DPP6: variants seen among roughly 807,000 people sequenced by gnomAD.
DPP6 encodes the protein A-type potassium channel modulatory protein DPP6.
DPP6 carries 69 observed loss-of-function variants against 122.6 expected under a neutral mutation model. The observed-to-expected ratio is 0.56, with a 90% CI of 0.46 to 0.69. The LOEUF (loss-of-function observed/expected upper bound fraction) is 0.69. Among genes scored for constraint, DPP6 ranks in the 30% least tolerant of loss-of-function variants. The probability of loss-of-function intolerance (pLI) is 0.00; values close to 1 mark genes in which losing one functional copy is unlikely to be tolerated. For missense variants in DPP6, 928 were observed against 1,116.9 expected (o/e 0.83, Z 2.41); for synonymous variants, 418 against 433.1 (o/e 0.97, Z 0.43).
chr7:154,876,103 G>A lies in DPP6; in HGVS notation c.2078+3G>A. On this transcript the variant is annotated splice_donor_region_variant and intron_variant, in intron 20 of 25. Transcript: ENST00000377770. ...AAGGACCAGATGGAGGCCGTGCGGT[G>A]AGCACCCGCCCAGGAAGCAGGAGAG... The A allele has an allele frequency of 1.9e-6, 3 of 1,577,956 alleles. No individual in the cohort carries two copies. Among genetic ancestry groups the A allele is most frequent in the Non-Finnish European group, 2.6e-6 (3 of 1,161,308 alleles).
At chr7:154,720,890 CA>C in intron 7 of DPP6, among the ~76,000 whole-genome samples, 1 of 152,340 alleles carries the variant, frequency 6.6e-6, no homozygotes, top group African/African-American at 2.4e-5. Flanking sequence ...CAGCTGACGA[CA>C]AAACTCCCAG....
At chr7:154,696,933 G>A (rs1048376506) in intron 7 of DPP6, among the ~76,000 whole-genome samples, 8 of 150,380 alleles carry the variant, frequency 5.3e-5, no homozygotes, top group African/African-American at 7.4e-5. Flanking sequence ...AGGAAAATGC[G>A]ACAGTGAGAA....
At chr7:154,679,879 A>T (rs1839179453) in intron 7 of DPP6, among the ~76,000 whole-genome samples, 1 of 152,182 alleles carries the variant, frequency 6.6e-6, no homozygotes, top group Admixed American at 6.5e-5. Context: ...ATTTGTTAGC[A>T]CTACCAAAGG....
chr7:154,335,198 C>T (rs746185115), intron 1 of DPP6, among the ~76,000 whole-genome samples: 8 of 152,166 alleles, frequency 5.3e-5, no homozygotes, highest in Non-Finnish European at 1.2e-4. Context: ...AATGTTAATG[C>T]CGGTTATAGA....
In DPP6 at chr7:153,939,869, TAG is replaced by T. The variant is rs1801619669; in HGVS notation, c.51+52137_51+52138del. Among the ~76,000 whole-genome samples, 5 of 152,336 alleles carry T rather than the reference TAG, an allele frequency of 3.3e-5. 1 individual carries two copies. The South Asian group carries it at 1.0e-3, about 32-fold the overall frequency. On this transcript the variant is annotated intron_variant, in intron 1 of 25. Coordinates refer to the DPP6 transcript ENST00000404039. ...CAGATTAGATAAACCAGCTGGATCTTAGAAGATCAGTTGATAACATGGCAGTT... is the reference window on the plus strand; with the variant it reads ...CAGATTAGATAAACCAGCTGGATCTTAAGATCAGTTGATAACATGGCAGTT...
At chr7:154,084,777 C>T (rs868167029) in intron 1 of DPP6, among the ~76,000 whole-genome samples, 29 of 147,794 alleles carry the variant, frequency 2.0e-4, no homozygotes, top group African/African-American at 7.0e-4. Context: ...ATCATGAGGT[C>T]AGGAGATCGA....
chr7:153,998,271 G>A (rs1332705247), intron 1 of DPP6, among the ~76,000 whole-genome samples: 1 of 152,148 alleles, frequency 6.6e-6, no homozygotes, highest in East Asian at 1.9e-4. Flanking sequence ...GCCAGAACTA[G>A]CTGAAAAATA....
chr7:154,053,813 G>T (rs939849903), intron 1 of DPP6, among the ~76,000 whole-genome samples: 2 of 148,100 alleles, frequency 1.4e-5, no homozygotes, highest in Non-Finnish European at 3.0e-5. Context: ...TACTCTTCAT[G>T]GGGGCTGGAA....
rs368149256 is a variant in DPP6 at position 154,431,013 on chromosome 7, C to T, written c.244-15201C>T. On this transcript the variant is annotated intron_variant, in intron 1 of 25. Coordinates refer to ENST00000377770, the MANE Select transcript of DPP6 (RefSeq NM_130797.4). Reference sequence around the variant, plus strand: ...TCCTGATGATGTCCTGTGCTCACGGCGCTTACTTTGATTGGCACCCAGAGA... The same window carrying T: ...TCCTGATGATGTCCTGTGCTCACGGTGCTTACTTTGATTGGCACCCAGAGA... Among the ~76,000 whole-genome samples the T allele has an allele frequency of 3.3e-5, 5 of 152,252 alleles. No homozygotes were observed. The East Asian group carries it at 5.8e-4, about 18-fold the overall frequency.
intron 1 of DPP6, among the ~76,000 whole-genome samples, chr7:154,061,713 C>CCG (rs1801945039): frequency 1.1e-5 from 1 of 87,886 alleles, no homozygotes; most frequent in Non-Finnish European, 2.6e-5. Flanking sequence ...GGAGGCAATC[C>CCG]CCGCGAGGCG....
chr7:154,554,503 C>T (rs1342650540), intron 4 of DPP6, among the ~76,000 whole-genome samples: 1 of 152,028 alleles, frequency 6.6e-6, no homozygotes, highest in Non-Finnish European at 1.5e-5. Flanking sequence ...TAACAACCAC[C>T]TTTTCTTCTC....
At chr7:153,969,239 C>G (rs1198826895) in intron 1 of DPP6, among the ~76,000 whole-genome samples, 1 of 149,776 alleles carries the variant, frequency 6.7e-6, no homozygotes, top group Non-Finnish European at 1.5e-5. Context: ...GTATAGCTCC[C>G]AAGTGGTGTA....
At chr7:154,245,426 G>C (rs544579687) in intron 1 of DPP6, among the ~76,000 whole-genome samples, 21 of 151,552 alleles carry the variant, frequency 1.4e-4, no homozygotes, top group South Asian at 4.2e-4. Context: ...CCTGAGGTCA[G>C]GAGTTTGAGA....
At chr7:154,663,560 T>A (rs1410191173) in intron 6 of DPP6, among the ~76,000 whole-genome samples, 1 of 25,206 alleles carries the variant, frequency 4.0e-5, no homozygotes, top group Non-Finnish European at 1.5e-4. Context: ...ATCACCATGG[T>A]GTGTTGGCCC....
intron 1 of DPP6, among the ~76,000 whole-genome samples, chr7:153,933,766 C>G (rs1455785221): frequency 2.0e-5 from 3 of 151,956 alleles, no homozygotes; most frequent in Non-Finnish European, 4.4e-5. Context: ...CCTTTTAGTT[C>G]CCCCCCAGCA....
intron 2 of DPP6, among the ~76,000 whole-genome samples, chr7:154,464,494 T>C (rs952104180): frequency 3.3e-5 from 5 of 152,350 alleles, no homozygotes; most frequent in African/African-American, 7.2e-5. Flanking sequence ...GAGAGGATGA[T>C]CAGTGAAGGC....
intron 16 of DPP6, among the ~76,000 whole-genome samples, chr7:154,815,056 C>T (rs1799327832): frequency 6.6e-6 from 1 of 152,178 alleles, no homozygotes; most frequent in Non-Finnish European, 1.5e-5. Flanking sequence ...CACAACACTT[C>T]CCTTCTAAGG....
intron 1 of DPP6, among the ~76,000 whole-genome samples, chr7:154,036,786 A>G (rs1261542871): frequency 6.6e-6 from 1 of 152,040 alleles, no homozygotes; most frequent in African/African-American, 2.4e-5. Context: ...TGGAAAAACA[A>G]CTGCGTATAG....
At chr7:154,655,649 G>A (rs1165948818) in intron 6 of DPP6, among the ~76,000 whole-genome samples, 1 of 152,178 alleles carries the variant, frequency 6.6e-6, no homozygotes, top group African/African-American at 2.4e-5. Flanking sequence ...GCAGAATCCG[G>A]GACATGCTGG....
Sources: gnomAD v4.1 joint callset for allele counts (sites outside exome capture counted in the v4.1 genomes callset) on GRCh38, gnomAD v4.1.1 for gene constraint, MANE v1.5 for transcripts, NCBI Gene and HGNC (gene_info 2026-07-23, HGNC 2026-07-21) for gene names.